The following PFKP variants were observed in gnomAD, a reference collection of about 807,000 sequenced individuals.
PFKP encodes ATP-dependent 6-phosphofructokinase, platelet type.
A neutral mutation model predicts 94.3 loss-of-function variants in PFKP; 101 were observed. That is an observed-to-expected ratio of 1.07 (90% CI 0.91 to 1.26). PFKP has a LOEUF of 1.26. Ranked by LOEUF, PFKP falls within the 50% of genes most tolerant of loss-of-function variation. PFKP has a pLI of 0.00. For missense variants in PFKP, 1,145 were observed against 1,103.3 expected (o/e 1.04, Z -0.53); for synonymous variants, 573 against 432.6 (o/e 1.32, Z -4.03).
Position 3,134,541 on chromosome 10 carries a change from T to C in PFKP, c.2081T>C (p.Met694Thr), listed in dbSNP as rs749912695. Residue 694 changes from methionine (M) to threonine (T), a missense_variant, in exon 20 of 22, where the codon ATG becomes ACG. Coordinates refer to ENST00000381125, the MANE Select transcript of PFKP (RefSeq NM_002627.5). Reference protein sequence around the residue: ...NFGTKISARAMEWITAKLKEA... With the variant: ...NFGTKISARATEWITAKLKEA... ...GGAACCAAAATCTCTGCCAGAGCTATGGAGTGGATCACTGCAAAACTCAAG... is the reference window on the plus strand; with the variant it reads ...GGAACCAAAATCTCTGCCAGAGCTACGGAGTGGATCACTGCAAAACTCAAG... 21 of 1,613,976 alleles carry C rather than the reference T, an allele frequency of 1.3e-5. No homozygotes were observed. The highest frequency in any genetic ancestry group is 1.7e-5 in the Non-Finnish European group (20 of 1,179,988).
intron 2 of PFKP, among the ~76,000 whole-genome samples, chr10:3,098,473 A>C (rs1221025447): frequency 6.6e-6 from 1 of 151,936 alleles, no homozygotes; most frequent in Non-Finnish European, 1.5e-5. Flanking sequence ...CAGGAGTTTG[A>C]GACCAGCATG....
intron 21 of PFKP, among the ~76,000 whole-genome samples, 178 bp from the exon 22 acceptor site, chr10:3,136,272 C>T (rs144005501): frequency 7.9e-4 from 121 of 152,210 alleles, no homozygotes; most frequent in African/African-American, 2.6e-3. Flanking sequence ...ACTGGGTCTT[C>T]GGGAATAATT....
chr10:3,076,856 C>T (rs528798289), intron 1 of PFKP, among the ~76,000 whole-genome samples: 1 of 152,188 alleles, frequency 6.6e-6, no homozygotes, highest in South Asian at 2.1e-4. Context: ...GTCAGAGAGG[C>T]CCCCCAGTTC....
intron 2 of PFKP, among the ~76,000 whole-genome samples, chr10:3,088,044 G>A (rs908206882): frequency 7.8e-6 from 1 of 128,928 alleles, no homozygotes; most frequent in Admixed American, 9.0e-5. Context: ...TGTGCACAAC[G>A]TGCAGGTTTG....
intron 16 of PFKP, among the ~76,000 whole-genome samples, chr10:3,128,709 T>G (rs754702468): frequency 1.8e-4 from 27 of 152,362 alleles, no homozygotes; most frequent in Non-Finnish European, 3.4e-4. Flanking sequence ...CATCTGCTGA[T>G]GCAGGTGATG....
Position 3,124,960 on chromosome 10 carries a change from G to A in PFKP, c.1684-4859G>A, listed in dbSNP as rs57762666. On this transcript the variant is annotated intron_variant, in intron 16 of 21. Coordinates refer to ENST00000381125, the MANE Select transcript of PFKP (RefSeq NM_002627.5). ...TCGCACGGCCTCCAGAGCCTCCCTCGGCCCCTTGACCCGCATGAACCGGCT... is the reference window on the plus strand; with the variant it reads ...TCGCACGGCCTCCAGAGCCTCCCTCAGCCCCTTGACCCGCATGAACCGGCT... The A allele has an allele frequency of 7.4e-3, 4,471 of 606,040 alleles. 30 individuals are homozygous for A. Among genetic ancestry groups the A allele is most frequent in the Middle Eastern group, 0.014 (18 of 1,288 alleles). 37.5% of individuals were successfully genotyped at this position (606,040 alleles called of 1,614,324 possible).
intron 1 of PFKP, chr10:3,068,858 G>A (rs1831946799): frequency 1.2e-5 from 3 of 259,008 alleles, no homozygotes; most frequent in Non-Finnish European, 1.8e-5. Context: ...TCCTCCTGCC[G>A]CAGATGCGTG....
rs575582261 is a variant in PFKP, at chr10:3,093,864, C to T, written c.187-5411C>T. Among the ~76,000 whole-genome samples the T allele has an allele frequency of 1.5e-4, 23 of 152,188 alleles. 1 individual carries two copies. Among genetic ancestry groups the T allele is most frequent in the South Asian group, 8.3e-4 (4 of 4,816 alleles). ...TTCACCGTGTTAGCCAGGATGGTCT[C>T]CATCTCCTGACCTTGTGATCCGCCC... is the stretch of plus-strand genomic sequence containing the variant. On this transcript the variant is annotated intron_variant, in intron 2 of 21. Transcript: ENST00000381125.
chr10:3,134,522 A>T lies in PFKP; in HGVS notation c.2062A>T (p.Lys688Ter), dbSNP rs774046792. Residue 688 changes from lysine to a stop codon, truncating the protein, a stop_gained, in exon 20 of 22, where the codon AAA becomes TAA. Coordinates refer to ENST00000381125, the MANE Select transcript of PFKP (RefSeq NM_002627.5). LOFTEE classifies it high-confidence loss of function. ...TCCATTTGATAGAAACTTTGGAACC[A>T]AAATCTCTGCCAGAGCTATGGAGTG... Reference protein sequence around the residue: ...PSPFDRNFGTKISARAMEWIT... With the variant: ...PSPFDRNFGT The T allele has an allele frequency of 6.2e-7, 1 of 1,613,826 alleles. No individual in the cohort carries two copies. Among genetic ancestry groups the T allele is most frequent in the East Asian group, 2.2e-5 (1 of 44,892 alleles).
At chr10:3,101,867 G>A (rs188457045) in intron 4 of PFKP, among the ~76,000 whole-genome samples, 38 of 152,326 alleles carry the variant, frequency 2.5e-4, no homozygotes, top group East Asian at 1.5e-3. Context: ...CCACTCAGCC[G>A]TGGGGCGAGC....
chr10:3,110,048 A>T (rs74870631), intron 10 of PFKP, among the ~76,000 whole-genome samples: 2,434 of 152,162 alleles, frequency 0.016, 64 homozygotes, highest in African/African-American at 0.056. Context: ...GACACAGGGA[A>T]AGCTCTGGTC....
chr10:3,088,037 G>A lies in PFKP; in HGVS notation c.186+5576G>A, dbSNP rs535716349. On this transcript the variant is annotated intron_variant, in intron 2 of 21. Coordinates refer to ENST00000381125, the MANE Select transcript of PFKP (RefSeq NM_002627.5). Reference sequence around the variant, plus strand: ...ATACTTTAAGTTCTAGGGTACATGTGCACAACGTGCAGGTTTGTTACCTAT... The same window carrying A: ...ATACTTTAAGTTCTAGGGTACATGTACACAACGTGCAGGTTTGTTACCTAT... 5.7e-5 allele frequency among the ~76,000 whole-genome samples: 7 copies of A among 122,480 alleles called. No individual in the cohort carries two copies. The Admixed American group carries it at 5.9e-4, about 10-fold the overall frequency. 80.4% of individuals were successfully genotyped at this position (122,480 alleles called of 152,430 possible).
chr10:3,098,832 C>G (rs1257609598), intron 2 of PFKP, among the ~76,000 whole-genome samples: 1 of 152,102 alleles, frequency 6.6e-6, no homozygotes, highest in Non-Finnish European at 1.5e-5. Context: ...CAACATACAT[C>G]CCAAGTGGCG....
At chr10:3,099,472 A>G in intron 3 of PFKP, 120 bp downstream of exon 3, 1 of 768,224 alleles carries the variant, frequency 1.3e-6, no homozygotes, top group Non-Finnish European at 2.3e-6. Flanking sequence ...GACAGAACAG[A>G]CTTTGTGAGC....
intron 2 of PFKP, among the ~76,000 whole-genome samples, chr10:3,084,727 GC>G: frequency 8.8e-6 from 1 of 113,376 alleles, no homozygotes; most frequent in Non-Finnish European, 2.0e-5. Context: ...GAGTCCTCCA[GC>G]CCCTCCCCAG....
In PFKP at chr10:3,118,870, G is replaced by A; in HGVS notation, c.1530+1G>A. ...GCTGCTGATCATCGGTGGATTCGAG[G>A]TACGTTACCGTTTCTCTCTTGCCGG... On this transcript the variant is annotated splice_donor_variant, in intron 15 of 21. Transcript: ENST00000381125. LOFTEE classifies it high-confidence loss of function. 5.0e-6 allele frequency: 8 copies of A among 1,609,644 alleles called. No homozygotes were observed. The highest frequency in any genetic ancestry group is 6.8e-6 in the Non-Finnish European group (8 of 1,176,488).
chr10:3,077,154 TGA>T (rs759742758), intron 1 of PFKP, among the ~76,000 whole-genome samples: 163 of 151,402 alleles, frequency 1.1e-3, no homozygotes, highest in Non-Finnish European at 1.6e-3. Flanking sequence ...CTCAGTGCTG[TGA>T]GAGAGGGCGA....
Position 3,136,729 on chromosome 10 carries a change from G to C in PFKP, c.*150G>C. ...TGCCCCACCTGCTCCAGTGCGTGCT[G>C]TCTGTGGAGTGTGTCTCATGCTTTC... On this transcript the variant is annotated 3_prime_UTR_variant, in exon 22 of 22. Coordinates refer to ENST00000381125, the MANE Select transcript of PFKP (RefSeq NM_002627.5). The C allele has an allele frequency of 1.5e-6, 1 of 682,050 alleles. No homozygotes were observed. The highest frequency in any genetic ancestry group is 2.5e-6 in the Non-Finnish European group (1 of 407,106). The allele number at this position is 682,050 out of a possible 1,614,324, so 42.2% of individuals were successfully genotyped here.
At chr10:3,101,297 CTG>C (rs1834969525) in intron 3 of PFKP, 66 bp from the exon 4 acceptor site, 1 of 1,295,328 alleles carries the variant, frequency 7.7e-7, no homozygotes, top group Non-Finnish European at 1.1e-6. Context: ...TATAGTCGGC[CTG>C]TGTGTGCCAT....
Sources: gnomAD v4.1 joint callset for allele counts (sites outside exome capture counted in the v4.1 genomes callset) on GRCh38, gnomAD v4.1.1 for gene constraint, MANE v1.5 for transcripts, NCBI Gene and HGNC (gene_info 2026-07-23, HGNC 2026-07-21) for gene names.